Variants in ZMYM3 observed in about 807,000 individuals in gnomAD.
ZMYM3 encodes the protein zinc finger MYM-type containing 3, also known as zinc finger MYM-type protein 3.
ZMYM3 carries 6 observed loss-of-function variants against 94.2 expected under a neutral mutation model. The ratio of observed to expected loss-of-function variants is 0.06; its 90% CI spans 0.03 to 0.13. The LOEUF is 0.13. Ranked by LOEUF, ZMYM3 falls within the 10% of genes least tolerant of loss-of-function variation. The pLI is 1.00. For synonymous variants in ZMYM3, 420 were observed against 426.5 expected, an observed-to-expected ratio of 0.98 and a Z score of 0.19; for missense variants, 664 against 1,132.6, an observed-to-expected ratio of 0.59 and a Z score of 5.94.
intron 19 of ZMYM3, 106 bp from the exon 20 acceptor site, chrX:71,244,576 G>C: frequency 1.0e-6 from 1 of 977,965 alleles, no homozygotes; most frequent in South Asian, 2.4e-5. Flanking sequence ...GCTGATGTAA[G>C]CACACAGCAA....
At chrX:71,247,209 G>C in intron 13 of ZMYM3, 136 bp downstream of exon 13, 2 of 571,790 alleles carry the variant, frequency 3.5e-6, no homozygotes, top group Non-Finnish European at 5.4e-6. Context: ...AGCTAAAAGA[G>C]AATACAGTTC....
chrX:71,250,794 C>T (rs2030424052), intron 4 of ZMYM3, 68 bp from the exon 5 acceptor site: 1 of 1,017,620 alleles, frequency 9.8e-7, no homozygotes. Context: ...CCCTGACCAA[C>T]AGTTCAGTCC....
intron 10 of ZMYM3, 33 bp from the exon 11 acceptor site, chrX:71,248,345 C>T: frequency 8.4e-7 from 1 of 1,192,251 alleles, no homozygotes; most frequent in Non-Finnish European, 1.1e-6. Flanking sequence ...GGAGGACAAG[C>T]TGTAACATCT....
Position 71,240,137 on chromosome X carries a change from C to T in ZMYM3, c.*779G>A, listed in dbSNP as rs1041490877. 5.3e-5 allele frequency: 6 copies of T among 112,284 alleles called. No homozygotes were observed. The Admixed American group carries it at 5.7e-4, about 11-fold the overall frequency. The allele number at this position is 112,284 out of a possible 1,213,427, so 9.3% of individuals were successfully genotyped here. ...TTACAGAGGGGGCTAAGCATGTTGACACCATGGCTCATGGCAACCTAAGAT... is the reference window on the plus strand; with the variant it reads ...TTACAGAGGGGGCTAAGCATGTTGATACCATGGCTCATGGCAACCTAAGAT... On this transcript the variant is annotated 3_prime_UTR_variant, in exon 25 of 25. Transcript: ENST00000314425.
In ZMYM3 at chrX:71,247,337, G is replaced by A. The variant is rs1602362303; in HGVS notation, c.2314+8C>T. ...TCTAACAGAGTGTACCCCCTGCCTGGGACTCACTGTTCAGGAGGCTCTCGG... is the reference window on the plus strand; with the variant it reads ...TCTAACAGAGTGTACCCCCTGCCTGAGACTCACTGTTCAGGAGGCTCTCGG... On this transcript the variant is annotated splice_region_variant and intron_variant, in intron 13 of 24. Coordinates refer to ENST00000314425, the MANE Select transcript of ZMYM3 (RefSeq NM_201599.3). 1 of 1,182,819 alleles carries A rather than the reference G, an allele frequency of 8.5e-7. No homozygotes were observed. The highest frequency in any genetic ancestry group is 1.1e-6 in the Non-Finnish European group (1 of 879,691).
At chrX:71,244,530 T>C in intron 19 of ZMYM3, 60 bp from the exon 20 acceptor site, 1 of 1,155,927 alleles carries the variant, frequency 8.7e-7, no homozygotes, top group Non-Finnish European at 1.2e-6. Context: ...AGGTGAAAGC[T>C]AGTCAGCACC....
At chrX:71,250,799 C>A in intron 4 of ZMYM3, 73 bp from the exon 5 acceptor site, 1 of 1,004,607 alleles carries the variant, frequency 1.0e-6, no homozygotes, top group South Asian at 2.3e-5. Context: ...ACCAACAGTT[C>A]AGTCCCTCTC....
chrX:71,248,367 G>A, intron 10 of ZMYM3, 55 bp from the exon 11 acceptor site: 1 of 1,192,847 alleles, frequency 8.4e-7, no homozygotes, highest in Non-Finnish European at 1.1e-6. Flanking sequence ...GCCCCAGCAG[G>A]GGCCAAGTGG....
chrX:71,239,895 T>C lies in ZMYM3; in HGVS notation c.*1021A>G, dbSNP rs996727793. 8.9e-6 allele frequency: 1 copy of C among 112,687 alleles called. No homozygotes were observed. Among genetic ancestry groups the C allele is most frequent in the African/African-American group, 3.2e-5 (1 of 30,904 alleles). The allele number at this position is 112,687 out of a possible 1,213,427, so 9.3% of individuals were successfully genotyped here. On this transcript the variant is annotated 3_prime_UTR_variant, in exon 25 of 25. Coordinates refer to ENST00000314425, the MANE Select transcript of ZMYM3 (RefSeq NM_201599.3). ...GTTTTCTGGGACCTCCAATGCAAGA[T>C]GGGGAAGAGAGAAGATGTAGGCAGT...
intron 23 of ZMYM3, among the ~76,000 whole-genome samples, chrX:71,241,575 A>C (rs2029949691): frequency 9.0e-6 from 1 of 111,304 alleles, no homozygotes; most frequent in Non-Finnish European, 1.9e-5. Context: ...CTCTCTTTAA[A>C]ATCTCCCCCA....
intron 13 of ZMYM3, 116 bp from the exon 14 acceptor site, chrX:71,246,808 G>C (rs1179535713): frequency 2.9e-6 from 2 of 695,563 alleles, no homozygotes; most frequent in African/African-American, 4.4e-5. Flanking sequence ...GGAACTTCTA[G>C]GATTTGACCC....
At chrX:71,249,743 G>T in intron 6 of ZMYM3, 64 bp from the exon 7 acceptor site, 5 of 1,163,102 alleles carry the variant, frequency 4.3e-6, no homozygotes, top group African/African-American at 1.8e-5. Flanking sequence ...CCAATGCAAG[G>T]TCAGCCCCCC....
In ZMYM3 at chrX:71,246,672, G is replaced by A; in HGVS notation, c.2335C>T (p.Pro779Ser). The A allele has an allele frequency of 1.7e-6, 2 of 1,211,133 alleles. No individual in the cohort carries two copies. The highest frequency in any genetic ancestry group is 2.2e-6 in the Non-Finnish European group (2 of 895,191). ...LLNSQSPESK[P>S]QTPSQTKVEN... Reference sequence around the variant, plus strand: ...ACTTTGGTTTGAGAGGGTGTCTGGGGTTTTGACTCAGGAGACTGACCTGTA... The same window carrying A: ...ACTTTGGTTTGAGAGGGTGTCTGGGATTTTGACTCAGGAGACTGACCTGTA... The change falls in exon 14 of 25, where the codon CCC (proline) becomes TCC (serine). Residue 779 changes from proline (P) to serine (S), a missense_variant. Physicochemically the swap from Pro to Ser is moderately conservative, Grantham distance 74. Around this residue, in one of 9 missense-constraint regions of ZMYM3, gnomAD observed 159 missense variants for 313.0 expected, o/e 0.51. Coordinates refer to ENST00000314425, the MANE Select transcript of ZMYM3 (RefSeq NM_201599.3).
rs1231896647 is a variant in ZMYM3, at chrX:71,248,193, G to A, written c.1944C>T (p.Phe648=). 8.3e-7 allele frequency: 1 copy of A among 1,210,524 alleles called. No homozygotes were observed. The highest frequency in any genetic ancestry group is 1.8e-5 in the South Asian group (1 of 56,563). Residue 648 remains phenylalanine (F), a synonymous_variant, in exon 11 of 25, where the codon TTC becomes TTT. Transcript: ENST00000314425. The part of the protein sequence containing the change: ...QEKLLHEKLR[F]SGVEKSFCSE... ...TGCAGAAGCTTTTCTCCACTCCGCTGAATCGGAGTTTCTCATGCAAGAGTT... is the reference window on the plus strand; with the variant it reads ...TGCAGAAGCTTTTCTCCACTCCGCTAAATCGGAGTTTCTCATGCAAGAGTT...
At chrX:71,248,579 AG>A in intron 9 of ZMYM3, 55 bp from the exon 10 acceptor site, 2 of 1,166,931 alleles carry the variant, frequency 1.7e-6, no homozygotes, top group Non-Finnish European at 1.2e-6. Context: ...GCGGTGGGGA[AG>A]GGGAGTCAGG....
At chrX:71,245,898 G>C (rs1239162644) in intron 16 of ZMYM3, 56 bp from the exon 17 acceptor site, 9 of 1,188,103 alleles carry the variant, frequency 7.6e-6, no homozygotes. Context: ...TTGGGGGGAA[G>C]TTGGGGGGAC....
At position 71,246,674 on chromosome X, in the gene ZMYM3, T is replaced by G; in HGVS notation, c.2333A>C (p.Lys778Thr). ...SLLNSQSPES[K>T]PQTPSQTKVE... is the part of the protein sequence containing the mutation. Reference sequence around the variant, plus strand: ...TTTGGTTTGAGAGGGTGTCTGGGGTTTTGACTCAGGAGACTGACCTGTAGA... The same window carrying G: ...TTTGGTTTGAGAGGGTGTCTGGGGTGTTGACTCAGGAGACTGACCTGTAGA... The change falls in exon 14 of 25, where the codon AAA (lysine) becomes ACA (threonine). Residue 778 changes from lysine (K) to threonine (T), a missense_variant. By Grantham distance (78) the Lys-to-Thr change is moderately conservative (BLOSUM62 -1). Transcript: ENST00000314425. The G allele has an allele frequency of 8.3e-7, 1 of 1,211,008 alleles. No individual in the cohort carries two copies. Among genetic ancestry groups the G allele is most frequent in the East Asian group, 3.0e-5 (1 of 33,856 alleles).
chrX:71,247,329 C>T lies in ZMYM3; in HGVS notation c.2314+16G>A. ...AGGCTCCCTCTAACAGAGTGTACCC[C>T]CTGCCTGGGACTCACTGTTCAGGAG... On this transcript the variant is annotated intron_variant, in intron 13 of 24. Coordinates refer to ENST00000314425, the MANE Select transcript of ZMYM3 (RefSeq NM_201599.3). 8.5e-7 allele frequency: 1 copy of T among 1,176,124 alleles called. No individual in the cohort carries two copies. Among genetic ancestry groups the T allele is most frequent in the Non-Finnish European group, 1.1e-6 (1 of 875,781 alleles).
At chrX:71,247,279 G>A in intron 13 of ZMYM3, 66 bp downstream of exon 13, 1 of 1,062,153 alleles carries the variant, frequency 9.4e-7, no homozygotes, top group Non-Finnish European at 1.3e-6. Flanking sequence ...GGAGAAAGGG[G>A]CTAGGCTTAG....
Sources: allele counts gnomAD v4.1 joint callset (sites outside exome capture counted in the v4.1 genomes callset), GRCh38; gene constraint gnomAD v4.1.1; regional missense constraint gnomAD v4.1.1; transcripts MANE v1.5; gene names NCBI Gene and HGNC (gene_info 2026-07-23, HGNC 2026-07-21).